PRSS56: variants seen among roughly 807,000 people sequenced by gnomAD.
PRSS56 encodes the protein protease, serine 56.
PRSS56 carries 55 observed loss-of-function variants against 66.8 expected under a neutral mutation model. The ratio of observed to expected loss-of-function variants is 0.82; its 90% CI spans 0.66 to 1.03. PRSS56 has a LOEUF of 1.03. Among genes scored for constraint, PRSS56 ranks in the 50% least tolerant of loss-of-function variants. The pLI, the probability that PRSS56 is intolerant of heterozygous loss-of-function variation, is 0.00. For missense variants in PRSS56, 869 were observed against 837.2 expected (o/e 1.04, Z -0.47); for synonymous variants, 409 against 387.9 (o/e 1.05, Z -0.64).
In PRSS56 at chr2:232,525,621, G is replaced by C. The variant is rs1691416149; in HGVS notation, c.*115G>C. On this transcript the variant is annotated 3_prime_UTR_variant, in exon 13 of 13. Transcript: ENST00000617714. Reference sequence around the variant, plus strand: ...CCCAGTGGCTGGGTGTGTGTGGGTGGGATGGGGTGGGGGTCCTGGGCCCCC... The same window carrying C: ...CCCAGTGGCTGGGTGTGTGTGGGTGCGATGGGGTGGGGGTCCTGGGCCCCC... 5 of 456,756 alleles carry C rather than the reference G, an allele frequency of 1.1e-5. No individual in the cohort carries two copies. Among genetic ancestry groups the C allele is most frequent in the South Asian group, 1.0e-4 (4 of 39,884 alleles). The allele number at this position is 456,756 out of a possible 1,614,324, so 28.3% of individuals were successfully genotyped here.
In PRSS56 at chr2:232,522,202, C is replaced by A; in HGVS notation, c.446+42C>A. On this transcript the variant is annotated intron_variant, in intron 4 of 12. Transcript: ENST00000617714. Reference sequence around the variant, plus strand: ...GGCCTTGCCCAGCTGGGGTCCCCGGCGCTGGGCCCCGCACCTGCCGGGTTG... The same window carrying A: ...GGCCTTGCCCAGCTGGGGTCCCCGGAGCTGGGCCCCGCACCTGCCGGGTTG... 2.1e-6 allele frequency: 3 copies of A among 1,406,048 alleles called. 1 individual carries two copies. Among genetic ancestry groups the A allele is most frequent in the Non-Finnish European group, 2.8e-6 (3 of 1,072,270 alleles). 87.1% of individuals were successfully genotyped at this position (1,406,048 alleles called of 1,614,324 possible). A position where few individuals can be genotyped will look rare whatever the true frequency, so the allele number is the denominator to read the frequency against.
chr2:232,523,408 C>A lies in PRSS56; in HGVS notation c.850-8C>A. On this transcript the variant is annotated splice_region_variant and splice_polypyrimidine_tract_variant and intron_variant, in intron 7 of 12. Transcript: ENST00000617714. ...GTGAATGCAGCGTCCTCTCTCTTGG[C>A]CCCGCAGGGTGACTCGGGAGGCCCC... 1 of 1,439,580 alleles carries A rather than the reference C, an allele frequency of 6.9e-7. No individual in the cohort carries two copies. The highest frequency in any genetic ancestry group is 9.1e-7 in the Non-Finnish European group (1 of 1,099,612). The allele number at this position is 1,439,580 out of a possible 1,614,324, so 89.2% of individuals were successfully genotyped here. A position where few individuals can be genotyped will look rare whatever the true frequency, so the allele number is the denominator to read the frequency against.
rs1049618850 is a variant in PRSS56, at chr2:232,522,690, C to A, written c.547-12C>A. 6.5e-7 allele frequency: 1 copy of A among 1,533,700 alleles called. No homozygotes were observed. On this transcript the variant is annotated splice_polypyrimidine_tract_variant and intron_variant, in intron 5 of 12. Transcript: ENST00000617714. Reference sequence around the variant, plus strand: ...GTGCTTCCTTGACCCTGCGCCGCCTCCCCCTCCTCAGTTTGACCCGCGGAC... The same window carrying A: ...GTGCTTCCTTGACCCTGCGCCGCCTACCCCTCCTCAGTTTGACCCGCGGAC...
rs1163008484 is a variant in PRSS56, at chr2:232,523,479, G to A, written c.913G>A (p.Gly305Arg). The change falls in exon 8 of 13, where the codon GGA becomes AGA. Residue 305 changes from glycine to arginine, a missense_variant. By Grantham distance (125) the Gly-to-Arg change is moderately radical. Coordinates refer to ENST00000617714, the MANE Select transcript of PRSS56 (RefSeq NM_001195129.2). Reference sequence around the variant, plus strand: ...CCCCCGCCCTAGAGAGGTCCTGTTCGGAGTCACCTCCTGGGGGGACGGCTG... The same window carrying A: ...CCCCCGCCCTAGAGAGGTCCTGTTCAGAGTCACCTCCTGGGGGGACGGCTG... ...PGPRPREVLF[G>R]VTSWGDGCGE... 7.9e-6 allele frequency: 12 copies of A among 1,526,004 alleles called. No individual in the cohort carries two copies. Among genetic ancestry groups the A allele is most frequent in the Admixed American group, 2.0e-5 (1 of 49,902 alleles). The allele number at this position is 1,526,004 out of a possible 1,614,324, so 94.5% of individuals were successfully genotyped here.
rs1350024375 is a variant in PRSS56, at chr2:232,522,849, G to T, written c.694G>T (p.Ala232Ser). The part of the protein sequence containing the change: ...GTACAIAGWG[A>S]LFEDGPEAEA... ...CGCCTGCGCCATCGCGGGCTGGGGC[G>T]CCCTCTTCGAAGGTACTGGGCGTGG... The change falls in exon 6 of 13, where the codon GCC becomes TCC. Residue 232 changes from alanine (A) to serine (S), a missense_variant. By Grantham distance (99) the Ala-to-Ser change is moderately conservative (BLOSUM62 1). Coordinates refer to ENST00000617714, the MANE Select transcript of PRSS56 (RefSeq NM_001195129.2). 7.5e-6 allele frequency: 11 copies of T among 1,466,002 alleles called. No individual in the cohort carries two copies. In the East Asian group the frequency reaches 1.7e-4, roughly 23 times the overall value. 90.8% of individuals were successfully genotyped at this position (1,466,002 alleles called of 1,614,324 possible).
Position 232,520,627 on chromosome 2 carries a change from C to T in PRSS56, c.29C>T (p.Pro10Leu), listed in dbSNP as rs1274838526. 3.3e-6 allele frequency: 5 copies of T among 1,536,072 alleles called. No homozygotes were observed. The highest frequency in any genetic ancestry group is 1.2e-5 in the South Asian group (1 of 84,058). Residue 10 changes from proline (P) to leucine (L), a missense_variant, in exon 1 of 13, where the codon CCC (proline) becomes CTC (leucine). By Grantham distance (98) the Pro-to-Leu change is moderately conservative. Coordinates refer to ENST00000617714, the MANE Select transcript of PRSS56 (RefSeq NM_001195129.2). ...CTGCTGGCTGTGCTGCTGCTGCTACCCCTCCCAAGCTCATGGTTTGCCCAC... is the reference window on the plus strand; with the variant it reads ...CTGCTGGCTGTGCTGCTGCTGCTACTCCTCCCAAGCTCATGGTTTGCCCAC... MLLAVLLLLPLPSSWFAHGH... is the reference protein window; with the variant it reads MLLAVLLLLLLPSSWFAHGH...
intron 2 of PRSS56, 113 bp from the exon 3 acceptor site, chr2:232,521,703 G>T: frequency 9.4e-7 from 1 of 1,069,082 alleles, no homozygotes; most frequent in Non-Finnish European, 1.3e-6. Flanking sequence ...GAACCCGTGT[G>T]GGCTGGAGGG....
Position 232,523,786 on chromosome 2 carries a change from G to C in PRSS56, c.1027G>C (p.Glu343Gln), listed in dbSNP as rs937448077. ...QEQMSASSSREPSCRELLAWD... is the reference protein window; with the variant it reads ...QEQMSASSSRQPSCRELLAWD... ...GCCCGCAGCAGCCTCCTCCAGCCGC[G>C]AGCCCAGCTGCAGGGAGCTTCTGGC... The change falls in exon 9 of 13, where the codon GAG becomes CAG. Residue 343 changes from glutamate (E) to glutamine (Q), a missense_variant. Around this residue, in one of 3 missense-constraint regions of PRSS56, gnomAD observed 551 missense variants for 506.9 expected, o/e 1.09. Transcript: ENST00000617714. The C allele has an allele frequency of 1.3e-6, 2 of 1,533,922 alleles. No individual in the cohort carries two copies. Among genetic ancestry groups the C allele is most frequent in the Non-Finnish European group, 1.7e-6 (2 of 1,146,712 alleles).
chr2:232,520,750 G>A, intron 1 of PRSS56, 55 bp downstream of exon 1: 3 of 1,253,650 alleles, frequency 2.4e-6, no homozygotes, highest in Non-Finnish European at 3.3e-6. Flanking sequence ...AGAGGAAGTG[G>A]GACCCTGGGC....
chr2:232,522,396 C>A, intron 4 of PRSS56, 119 bp from the exon 5 acceptor site: 15 of 997,056 alleles, frequency 1.5e-5, no homozygotes, highest in Non-Finnish European at 2.0e-5. Context: ...CTCCCCGGCC[C>A]GCCCTCCGTG....
chr2:232,520,720 C>A (rs1024273792), intron 1 of PRSS56, 25 bp downstream of exon 1: 60 of 1,474,214 alleles, frequency 4.1e-5, no homozygotes, highest in Non-Finnish European at 5.5e-5. Flanking sequence ...GCCCGAGAGC[C>A]GCGGGGTTGG....
At chr2:232,522,986 G>A in intron 6 of PRSS56, 74 bp from the exon 7 acceptor site, 1 of 1,492,124 alleles carries the variant, frequency 6.7e-7, no homozygotes, top group Non-Finnish European at 8.9e-7. Flanking sequence ...GGAATCAAGG[G>A]GGGTGGTGGG....
chr2:232,524,909 A>G (rs937251021), intron 12 of PRSS56, 65 bp downstream of exon 12: 21 of 1,306,192 alleles, frequency 1.6e-5, no homozygotes, highest in Non-Finnish European at 2.2e-5. Flanking sequence ...AGCCCAGGGA[A>G]GATGCAGAGG....
chr2:232,524,702 C>T (rs769950113), intron 11 of PRSS56, 36 bp from the exon 12 acceptor site: 29 of 1,435,884 alleles, frequency 2.0e-5, no homozygotes, highest in Non-Finnish European at 2.4e-5. Flanking sequence ...ATACCGCAAC[C>T]GTTCATTATT....
At chr2:232,524,882 TG>T (rs1691385143) in intron 12 of PRSS56, 38 bp downstream of exon 12, 1 of 1,453,938 alleles carries the variant, frequency 6.9e-7, no homozygotes, top group Non-Finnish European at 9.3e-7. Flanking sequence ...CACGATGGCC[TG>T]GGAAGGCTGA....
rs1559291649 is a variant in PRSS56, at chr2:232,525,564, G to A, written c.*58G>A. The A allele has an allele frequency of 2.2e-6, 3 of 1,380,486 alleles. No individual in the cohort carries two copies. Among genetic ancestry groups the A allele is most frequent in the Admixed American group, 3.0e-5 (1 of 33,372 alleles). 85.5% of individuals were successfully genotyped at this position (1,380,486 alleles called of 1,614,324 possible). ...CCTACTGCTCCCAGGGGCTGAGAGG[G>A]GTTCGGGAGCATAATGACAAACTGT... On this transcript the variant is annotated 3_prime_UTR_variant, in exon 13 of 13. Coordinates refer to ENST00000617714, the MANE Select transcript of PRSS56 (RefSeq NM_001195129.2).
Position 232,524,746 on chromosome 2 carries a change from G to A in PRSS56, c.1423G>A (p.Gly475Arg), listed in dbSNP as rs1167579256. ...EPRGEANGCP[G>R]LEPLRQKLAA... Reference sequence around the variant, plus strand: ...CTCTCCTCTTCCTCCAGGCTGCCCTGGGCTGGAGCCCCTGCGACAGAAGTT... The same window carrying A: ...CTCTCCTCTTCCTCCAGGCTGCCCTAGGCTGGAGCCCCTGCGACAGAAGTT... The change falls in exon 12 of 13, where the codon GGG becomes AGG. Residue 475 changes from glycine to arginine, a missense_variant. Physicochemically the swap from Gly to Arg is moderately radical, Grantham distance 125. Around this residue, in one of 3 missense-constraint regions of PRSS56, gnomAD observed 551 missense variants for 506.9 expected, o/e 1.09. Coordinates refer to ENST00000617714, the MANE Select transcript of PRSS56 (RefSeq NM_001195129.2). 4 of 1,525,498 alleles carry A rather than the reference G, an allele frequency of 2.6e-6. No homozygotes were observed. Among genetic ancestry groups the A allele is most frequent in the Non-Finnish European group, 3.5e-6 (4 of 1,138,712 alleles). 94.5% of individuals were successfully genotyped at this position (1,525,498 alleles called of 1,614,324 possible). A position where few individuals can be genotyped will look rare whatever the true frequency, so the allele number is the denominator to read the frequency against.
chr2:232,521,282 C>T, intron 1 of PRSS56, 39 bp from the exon 2 acceptor site: 5 of 1,478,152 alleles, frequency 3.4e-6, no homozygotes, highest in Non-Finnish European at 4.6e-6. Flanking sequence ...TGAGGCTCTT[C>T]CCCAACCACG....
At chr2:232,524,489 T>G in intron 11 of PRSS56, 120 bp downstream of exon 11, 1 of 954,828 alleles carries the variant, frequency 1.0e-6, no homozygotes, top group Non-Finnish European at 1.5e-6. Context: ...GGTGGACTCG[T>G]TCTCCCCTCC....
Sources: allele counts gnomAD v4.1 joint callset, GRCh38; gene constraint gnomAD v4.1.1; regional missense constraint gnomAD v4.1.1; transcripts MANE v1.5; gene names NCBI Gene and HGNC (gene_info 2026-07-23, HGNC 2026-07-21).